STMND1: variants seen among roughly 807,000 people sequenced by gnomAD.
The protein encoded by STMND1 is stathmin domain-containing protein 1.
A neutral mutation model predicts 23.0 loss-of-function variants in STMND1; 17 were observed. The ratio of observed to expected loss-of-function variants is 0.74; its 90% CI spans 0.51 to 1.11. STMND1 has a LOEUF of 1.11. STMND1 is among the 50% of genes least tolerant of loss of function. The probability of loss-of-function intolerance (pLI) is 0.00; values close to 1 mark genes in which losing one functional copy is unlikely to be tolerated. For missense variants in STMND1, 305 were observed against 329.1 expected, an observed-to-expected ratio of 0.93 and a Z score of 0.57; for synonymous variants, 114 against 119.9, an observed-to-expected ratio of 0.95 and a Z score of 0.32.
At chr6:17,110,496 G>A (rs1340356061) in intron 1 of STMND1, 2 of 209,570 alleles carry the variant, frequency 9.5e-6, no homozygotes, top group Admixed American at 5.3e-5. Flanking sequence ...GAGTCCAGTC[G>A]CGGTGGCGCA....
At chr6:17,117,354 C>T (rs1325487391) in intron 2 of STMND1, among the ~76,000 whole-genome samples, 1 of 152,148 alleles carries the variant, frequency 6.6e-6, no homozygotes, top group Non-Finnish European at 1.5e-5. Context: ...CAGGTGTGAG[C>T]CACCATGCCC....
At chr6:17,124,813 C>T (rs1349082226) in intron 3 of STMND1, among the ~76,000 whole-genome samples, 1 of 150,562 alleles carries the variant, frequency 6.6e-6, no homozygotes, top group East Asian at 1.9e-4. Flanking sequence ...CCCTGGGCAA[C>T]ATGGTAAAAC....
chr6:17,118,443 T>A (rs753478339), intron 2 of STMND1, among the ~76,000 whole-genome samples: 5 of 152,162 alleles, frequency 3.3e-5, no homozygotes, highest in Non-Finnish European at 5.9e-5. Flanking sequence ...AACTATCACT[T>A]TTATAATCAA....
chr6:17,114,232 A>G (rs757148654), intron 1 of STMND1, among the ~76,000 whole-genome samples: 2 of 152,064 alleles, frequency 1.3e-5, no homozygotes, highest in Non-Finnish European at 2.9e-5. Context: ...GGGGTGATGG[A>G]AAACAGTGAC....
chr6:17,114,568 A>G (rs995120833), intron 1 of STMND1, among the ~76,000 whole-genome samples: 18 of 152,164 alleles, frequency 1.2e-4, no homozygotes, highest in African/African-American at 3.4e-4. Context: ...GCCCGGCCAC[A>G]TTAGATTCTT....
At chr6:17,116,250 G>C (rs1761159031) in intron 2 of STMND1, among the ~76,000 whole-genome samples, 1 of 152,124 alleles carries the variant, frequency 6.6e-6, no homozygotes, top group Non-Finnish European at 1.5e-5. Context: ...AGAACAGCTA[G>C]GGAGGAAGTC....
chr6:17,116,977 C>T (rs973005963), intron 2 of STMND1, among the ~76,000 whole-genome samples: 4 of 152,152 alleles, frequency 2.6e-5, no homozygotes, highest in East Asian at 3.9e-4. Context: ...AATGCCACTT[C>T]GCTTTCACAT....
chr6:17,102,281 T>G lies in STMND1; in HGVS notation c.24T>G (p.Pro8=). MGCGPSQ[P]AEDRRRVRAP... ...GCATGGGCTGTGGACCTTCCCAACC[T>G]GCTGAAGACCGGAGACGTGTACGCG... The change falls in exon 1 of 5, where the codon CCT becomes CCG. Residue 8 remains proline, a synonymous_variant. Coordinates refer to ENST00000536551, the MANE Select transcript of STMND1 (RefSeq NM_001190766.2). The G allele has an allele frequency of 6.5e-7, 1 of 1,535,990 alleles. No homozygotes were observed. Among genetic ancestry groups the G allele is most frequent in the African/African-American group, 1.4e-5 (1 of 73,158 alleles).
intron 1 of STMND1, among the ~76,000 whole-genome samples, chr6:17,110,176 C>G (rs192669709): frequency 6.6e-6 from 1 of 152,244 alleles, no homozygotes; most frequent in Admixed American, 6.5e-5. Context: ...ACCTTTTGCT[C>G]CCTCCAACAA....
chr6:17,120,748 A>G lies in STMND1; in HGVS notation c.401A>G (p.Tyr134Cys). 1 of 1,526,926 alleles carries G rather than the reference A, an allele frequency of 6.5e-7. No homozygotes were observed. The highest frequency in any genetic ancestry group is 8.7e-7 in the Non-Finnish European group (1 of 1,144,104). The allele number at this position is 1,526,926 out of a possible 1,614,324, so 94.6% of individuals were successfully genotyped here. Residue 134 changes from tyrosine (Y) to cysteine (C), a missense_variant, in exon 3 of 5, where the codon TAT becomes TGT. Physicochemically the swap from Tyr to Cys is radical, Grantham distance 194. Transcript: ENST00000536551. ...AAAGTATTTAGAAATGGAGAATCAT[A>G]TGATGTCACGGCAAGTAATTTTGTA... is the stretch of plus-strand genomic sequence containing the variant. ...HSKVFRNGES[Y>C]DVTLTTTEKP...
At chr6:17,112,415 T>A (rs540468478) in intron 1 of STMND1, among the ~76,000 whole-genome samples, 30 of 152,282 alleles carry the variant, frequency 2.0e-4, no homozygotes, top group Non-Finnish European at 3.7e-4. Flanking sequence ...AAATAATAAT[T>A]GTGAATATTT....
At chr6:17,130,461 T>G in intron 4 of STMND1, 133 bp from the exon 5 acceptor site, 1 of 748,092 alleles carries the variant, frequency 1.3e-6, no homozygotes, top group South Asian at 2.4e-5. Flanking sequence ...TCAACAAGAG[T>G]TTCTCAACAA....
chr6:17,104,127 A>G lies in STMND1; in HGVS notation c.81+1789A>G, dbSNP rs545931251. On this transcript the variant is annotated intron_variant, in intron 1 of 4. Transcript: ENST00000536551. ...GTTCTTCCAGGCATCTCACACCTCC[A>G]TGCCTTTACCTGTGCCATTCCCTCT... Among the ~76,000 whole-genome samples, 3 of 151,998 alleles carry G rather than the reference A, an allele frequency of 2.0e-5. No homozygotes were observed. The East Asian group carries it at 5.8e-4, about 29-fold the overall frequency.
At chr6:17,107,332 C>T (rs938627354) in intron 1 of STMND1, among the ~76,000 whole-genome samples, 2 of 152,040 alleles carry the variant, frequency 1.3e-5, no homozygotes, top group South Asian at 4.1e-4. Flanking sequence ...AAAAGCAATA[C>T]CTTATTTGGA....
intron 1 of STMND1, among the ~76,000 whole-genome samples, chr6:17,105,712 G>A (rs1761014790): frequency 6.6e-6 from 1 of 151,204 alleles, no homozygotes; most frequent in South Asian, 2.1e-4. Context: ...AGATCACAAG[G>A]TCAGGAGATC....
At chr6:17,127,753 T>TA (rs1008234767) in intron 3 of STMND1, among the ~76,000 whole-genome samples, 21 of 152,244 alleles carry the variant, frequency 1.4e-4, no homozygotes, top group African/African-American at 4.6e-4. Context: ...CCTTTGTCTT[T>TA]AAAAAAAGTC....
chr6:17,120,557 T>C, intron 2 of STMND1, 50 bp from the exon 3 acceptor site: 3 of 1,408,762 alleles, frequency 2.1e-6, no homozygotes, highest in Non-Finnish European at 2.8e-6. Flanking sequence ...ATTGAAAAAA[T>C]CTTCATTCTT....
At chr6:17,116,580 C>T (rs559628655) in intron 2 of STMND1, among the ~76,000 whole-genome samples, 2 of 152,206 alleles carry the variant, frequency 1.3e-5, no homozygotes, top group South Asian at 4.2e-4. Context: ...GCTGGGATTA[C>T]AGGCATGCGC....
At chr6:17,116,845 A>G (rs1294681554) in intron 2 of STMND1, among the ~76,000 whole-genome samples, 2 of 152,180 alleles carry the variant, frequency 1.3e-5, no homozygotes, top group Admixed American at 6.5e-5. Flanking sequence ...AAAAGGTGCA[A>G]AAAACAAAGA....
Sources: allele counts gnomAD v4.1 joint callset (sites outside exome capture counted in the v4.1 genomes callset), GRCh38; gene constraint gnomAD v4.1.1; transcripts MANE v1.5; gene names NCBI Gene and HGNC (gene_info 2026-07-23, HGNC 2026-07-21).